The following DOT1L variants were observed in gnomAD, a reference collection of about 807,000 sequenced individuals.
The protein encoded by DOT1L is DOT1 like histone lysine methyltransferase, also known as histone-lysine N-methyltransferase, H3 lysine-79 specific.
DOT1L carries 33 observed loss-of-function variants against 153.3 expected under a neutral mutation model. The ratio of observed to expected loss-of-function variants is 0.22; its 90% confidence interval spans 0.16 to 0.29. The LOEUF is 0.29. Ranked by LOEUF, DOT1L falls within the 10% of genes least tolerant of loss-of-function variation. DOT1L has a pLI of 1.00. For synonymous variants in DOT1L, 1,135 were observed against 965.1 expected, an observed-to-expected ratio of 1.18 and a Z score of -3.26; for missense variants, 1,847 against 2,119.9, an observed-to-expected ratio of 0.87 and a Z score of 2.53.
intron 1 of DOT1L, 108 bp from the exon 2 acceptor site, chr19:2,180,605 G>A: frequency 1.5e-6 from 2 of 1,367,872 alleles, no homozygotes; most frequent in Non-Finnish European, 2.0e-6. Context: ...TGCACCAGTT[G>A]GGAAATGAAG....
chr19:2,194,658 C>T (rs4807212), intron 7 of DOT1L, 81 bp downstream of exon 7: 637,109 of 1,463,604 alleles, frequency 0.44, 137,014 homozygotes, highest in Middle Eastern at 0.53. Context: ...TCCTTTCTTG[C>T]CGATGTTGGC....
In DOT1L at chr19:2,213,941, G is replaced by A. The variant is rs1213865980; in HGVS notation, c.1752G>A (p.Gln584=). The A allele has an allele frequency of 6.2e-7, 1 of 1,612,914 alleles. No homozygotes were observed. Among genetic ancestry groups the A allele is most frequent in the Non-Finnish European group, 8.5e-7 (1 of 1,180,044 alleles). Residue 584 remains glutamine (Q), a synonymous_variant, in exon 18 of 28, where the codon CAG becomes CAA. Transcript: ENST00000398665. ...HNQQLREQSE[Q]LEQDNRALRG... is the part of the protein sequence containing the mutation. ...AGCAGCTGCGGGAGCAGTCGGAGCA[G>A]CTGGAGCAGGACAACCGCGCGCTCC...
Position 2,222,800 on chromosome 19 carries a change from T to C in DOT1L, c.3390+241T>C, listed in dbSNP as rs2024175614. 9.8e-6 allele frequency: 5 copies of C among 510,740 alleles called. No homozygotes were observed. In the East Asian group the frequency reaches 1.6e-4, roughly 17 times the overall value. The allele number at this position is 510,740 out of a possible 1,614,324, so 31.6% of individuals were successfully genotyped here. On this transcript the variant is annotated intron_variant, in intron 24 of 27. Coordinates refer to ENST00000398665, the MANE Select transcript of DOT1L (RefSeq NM_032482.3). The surrounding 1 kb of genome is among the most constrained non-coding windows in gnomAD (Gnocchi z 6.5). ...CTGGGAGGCTGAGGCAGGAGAATGA[T>C]GTGAACCCGGGAGGCGGGGCTTGCA... is the stretch of plus-strand genomic sequence containing the variant.
chr19:2,168,233 C>T (rs555378893), intron 1 of DOT1L, among the ~76,000 whole-genome samples: 1 of 152,224 alleles, frequency 6.6e-6, no homozygotes, highest in East Asian at 1.9e-4. Context: ...TTTGGGAAGC[C>T]CAGGCGGGAG....
chr19:2,164,141 C>G lies in DOT1L; in HGVS notation c.-44C>G, dbSNP rs1409911681. 8.7e-7 allele frequency: 1 copy of G among 1,150,548 alleles called. No individual in the cohort carries two copies. The highest frequency in any genetic ancestry group is 1.1e-6 in the Non-Finnish European group (1 of 931,392). The allele number at this position is 1,150,548 out of a possible 1,614,324, so 71.3% of individuals were successfully genotyped here. On this transcript the variant is annotated 5_prime_UTR_variant, in exon 1 of 28. Coordinates refer to ENST00000398665, the MANE Select transcript of DOT1L (RefSeq NM_032482.3). ...CGCCCACCGGCGGCCCCGCCCCTCC[C>G]CCAACCGCCCGCCTAGCATGGTGCG...
At chr19:2,203,615 C>T (rs1444388164) in intron 9 of DOT1L, among the ~76,000 whole-genome samples, 3 of 152,210 alleles carry the variant, frequency 2.0e-5, no homozygotes, top group Admixed American at 6.5e-5. Flanking sequence ...CAAGCCCTGG[C>T]GTAGTTTCAG....
Position 2,202,406 on chromosome 19 carries a change from T to C in DOT1L, c.708-294T>C, listed in dbSNP as rs904704727. On this transcript the variant is annotated intron_variant, in intron 8 of 27. Coordinates refer to ENST00000398665, the MANE Select transcript of DOT1L (RefSeq NM_032482.3). Reference sequence around the variant, plus strand: ...GTACTTCACGGCTGCTCTTCCCACCTTGTGTGGGCTGCTTGTGAACCTTCC... The same window carrying C: ...GTACTTCACGGCTGCTCTTCCCACCCTGTGTGGGCTGCTTGTGAACCTTCC... 2.0e-5 allele frequency among the ~76,000 whole-genome samples: 3 copies of C among 152,382 alleles called. No individual in the cohort carries two copies. The Middle Eastern group carries it at 0.01, about 518-fold the overall frequency.
intron 10 of DOT1L, among the ~76,000 whole-genome samples, 167 bp downstream of exon 10, chr19:2,206,964 C>A (rs1267023863): frequency 6.6e-6 from 1 of 152,174 alleles, no homozygotes; most frequent in African/African-American, 2.4e-5. Flanking sequence ...TCCCTGGTGT[C>A]CACCCACTCC....
chr19:2,207,716 C>T lies in DOT1L; in HGVS notation c.963+36C>T. ...CGCTGCGCCTCAGCCGCAGGGCCGT[C>T]CTGGTCTTCCACCCCGCCCACGTCA... is the stretch of plus-strand genomic sequence containing the variant. On this transcript the variant is annotated intron_variant, in intron 11 of 27. Coordinates refer to ENST00000398665, the MANE Select transcript of DOT1L (RefSeq NM_032482.3). This position sits in a 1 kb window ranked among gnomAD's most constrained non-coding sequence, Gnocchi z 4.5. The T allele has an allele frequency of 6.4e-7, 1 of 1,563,474 alleles. No homozygotes were observed.
chr19:2,202,449 A>G (rs1486363085), intron 8 of DOT1L, among the ~76,000 whole-genome samples: 3 of 152,210 alleles, frequency 2.0e-5, no homozygotes, highest in Non-Finnish European at 4.4e-5. Flanking sequence ...CTGGACTCCA[A>G]GATTCACAAT....
In DOT1L at chr19:2,216,241, C is replaced by A. The variant is rs758710255; in HGVS notation, c.1924-40C>A. ...GCAGTCTTGGTTCCCTGGAGTGGTCCCCCGGTGGGGCGGGCCTGACACCAT... is the reference window on the plus strand; with the variant it reads ...GCAGTCTTGGTTCCCTGGAGTGGTCACCCGGTGGGGCGGGCCTGACACCAT... On this transcript the variant is annotated intron_variant, in intron 19 of 27. Transcript: ENST00000398665. 1.1e-5 allele frequency: 17 copies of A among 1,529,104 alleles called. No individual in the cohort carries two copies. In the African/African-American group the frequency reaches 2.3e-4, roughly 21 times the overall value. 94.7% of individuals were successfully genotyped at this position (1,529,104 alleles called of 1,614,324 possible). A position where few individuals can be genotyped will look rare whatever the true frequency, so the allele number is the denominator to read the frequency against.
At chr19:2,221,162 A>G (rs2024099135) in intron 23 of DOT1L, 3 of 153,290 alleles carry the variant, frequency 2.0e-5, no homozygotes, top group African/African-American at 2.4e-5. Flanking sequence ...GGGCAAAAAG[A>G]GTAAAACTCC....
chr19:2,195,451 C>G (rs929501377), intron 7 of DOT1L, among the ~76,000 whole-genome samples: 4 of 152,146 alleles, frequency 2.6e-5, no homozygotes, highest in African/African-American at 2.4e-5. Context: ...AGCGACGTCC[C>G]AGACCTCCCC....
At chr19:2,164,494 C>T (rs2019832534) in intron 1 of DOT1L, 3 of 320,346 alleles carry the variant, frequency 9.4e-6, no homozygotes, top group Non-Finnish European at 1.1e-5. Flanking sequence ...AGCCGGCGCC[C>T]CCGAGCCCTA....
intron 26 of DOT1L, 29 bp from the exon 27 acceptor site, chr19:2,226,154 T>C (rs759868967): frequency 1.3e-6 from 2 of 1,502,402 alleles, no homozygotes; most frequent in Non-Finnish European, 1.8e-6. Flanking sequence ...TGCTCTGGGC[T>C]CACGGCTTCT....
chr19:2,164,526 C>T (rs2019834375), intron 1 of DOT1L: 1 of 288,414 alleles, frequency 3.5e-6, no homozygotes, highest in Non-Finnish European at 6.4e-6. Context: ...TTGCCCCCGC[C>T]GGGCTGTCCC....
Position 2,208,113 on chromosome 19 carries a change from CCCTCCCTGTGTTCCCCAGGGT to C in DOT1L, c.963+438_963+458del, listed in dbSNP as rs2144817657. On this transcript the variant is annotated intron_variant, in intron 11 of 27. Transcript: ENST00000398665. This position sits in a 1 kb window ranked among gnomAD's most constrained non-coding sequence, Gnocchi z 4.4. ...ATGGGTGGGGTCTGGGATGCTTCTTCCCTCCCTGTGTTCCCCAGGGTCCTCTGACACAGCCCTGGGCCAGTG... is the reference window on the plus strand; with the variant it reads ...ATGGGTGGGGTCTGGGATGCTTCTTCCCTCTGACACAGCCCTGGGCCAGTG... 6.6e-6 allele frequency among the ~76,000 whole-genome samples: 1 copy of C among 152,228 alleles called. No individual in the cohort carries two copies. Among genetic ancestry groups the C allele is most frequent in the South Asian group, 2.1e-4 (1 of 4,818 alleles).
In DOT1L at chr19:2,204,973, A is replaced by G. The variant is rs2144803164; in HGVS notation, c.788-1756A>G. Among the ~76,000 whole-genome samples, 1 of 150,266 alleles carries G rather than the reference A, an allele frequency of 6.7e-6. No homozygotes were observed. The highest frequency in any genetic ancestry group is 1.9e-4 in the East Asian group (1 of 5,130). ...TTTAAATGGATCCACTTTGACTTTT[A>G]ATTTTTTTTTTTTTGGAGACGGAGT... On this transcript the variant is annotated intron_variant, in intron 9 of 27. Transcript: ENST00000398665. This position sits in a 1 kb window ranked among gnomAD's most constrained non-coding sequence, Gnocchi z 5.7.
At chr19:2,175,374 C>G (rs1248043874) in intron 1 of DOT1L, among the ~76,000 whole-genome samples, 1 of 152,162 alleles carries the variant, frequency 6.6e-6, no homozygotes, top group Non-Finnish European at 1.5e-5. Flanking sequence ...GATCATGATT[C>G]ACTGTGGCCT....
Sources: allele counts gnomAD v4.1 joint callset (sites outside exome capture counted in the v4.1 genomes callset), GRCh38; gene constraint gnomAD v4.1.1; non-coding constraint Gnocchi (gnomAD v3.1); transcripts MANE v1.5; gene names NCBI Gene and HGNC (gene_info 2026-07-23, HGNC 2026-07-21).